The following NME5 variants were observed in gnomAD, a reference collection of about 807,000 sequenced individuals.
NME5 encodes NME/NM23 family member 5.
In NME5, 18 loss-of-function variants were observed where a neutral mutation model predicts 21.6. The observed-to-expected ratio is 0.83, with a 90% CI of 0.58 to 1.24. NME5 has a LOEUF of 1.24. Ranked by LOEUF, NME5 falls within the 50% of genes most tolerant of loss-of-function variation. The pLI, the probability that NME5 is intolerant of heterozygous loss-of-function variation, is 0.00. For missense variants in NME5, 223 were observed against 255.4 expected (o/e 0.87, Z 0.86); for synonymous variants, 70 against 80.6 (o/e 0.87, Z 0.71).
At chr5:138,132,606 C>T (rs562701625) in intron 2 of NME5, among the ~76,000 whole-genome samples, 87 of 152,270 alleles carry the variant, frequency 5.7e-4, no homozygotes, top group South Asian at 1.4e-3. Flanking sequence ...AAGTAACTCA[C>T]CTCTTAAAGC....
At chr5:138,127,993 T>G (rs1751461289) in intron 4 of NME5, among the ~76,000 whole-genome samples, 1 of 152,168 alleles carries the variant, frequency 6.6e-6, no homozygotes. Context: ...GCAGGCAGAT[T>G]ACTTGAGCAC....
Position 138,129,479 on chromosome 5 carries a change from C to T in NME5, c.130-11G>A. On this transcript the variant is annotated splice_polypyrimidine_tract_variant and intron_variant, in intron 2 of 5. Coordinates refer to ENST00000265191, the MANE Select transcript of NME5 (RefSeq NM_003551.3). The stretch of plus-strand genomic sequence containing the variant: ...GCGTAGTTTTCTTCTCTATAAAAGA[C>T]ACAAAGTCAACAAAAGCATTTAAAA... The T allele has an allele frequency of 2.5e-6, 4 of 1,602,284 alleles. No homozygotes were observed. Among genetic ancestry groups the T allele is most frequent in the Non-Finnish European group, 2.6e-6 (3 of 1,170,020 alleles).
chr5:138,137,866 G>C (rs1375129774), intron 2 of NME5, among the ~76,000 whole-genome samples: 1 of 151,716 alleles, frequency 6.6e-6, no homozygotes, highest in African/African-American at 2.4e-5. Flanking sequence ...GGACATGGTG[G>C]TGCATGCCTG....
chr5:138,131,741 T>C (rs1389713539), intron 2 of NME5, among the ~76,000 whole-genome samples: 3 of 151,940 alleles, frequency 2.0e-5, no homozygotes, highest in Non-Finnish European at 4.4e-5. Context: ...AGTGCTTTTT[T>C]TTTTTTTTAT....
chr5:138,125,775 T>C (rs1183674850), intron 4 of NME5, among the ~76,000 whole-genome samples: 1 of 152,112 alleles, frequency 6.6e-6, no homozygotes, highest in Admixed American at 6.6e-5. Context: ...CCACCACGCC[T>C]GGCTAATTTT....
chr5:138,134,510 C>T (rs942547868), intron 2 of NME5, among the ~76,000 whole-genome samples: 1 of 152,086 alleles, frequency 6.6e-6, no homozygotes, highest in African/African-American at 2.4e-5. Flanking sequence ...TCTGAAAGTG[C>T]TGGGATTACA....
At chr5:138,127,990 G>A (rs2151164263) in intron 4 of NME5, among the ~76,000 whole-genome samples, 1 of 152,318 alleles carries the variant, frequency 6.6e-6, no homozygotes, top group Admixed American at 6.5e-5. Context: ...AAGGCAGGCA[G>A]ATTACTTGAG....
chr5:138,126,207 C>T (rs933390495), intron 4 of NME5, among the ~76,000 whole-genome samples: 2 of 152,092 alleles, frequency 1.3e-5, no homozygotes, highest in Non-Finnish European at 2.9e-5. Flanking sequence ...TCAAAGGCAA[C>T]TGAAAATAAC....
At position 138,139,413 on chromosome 5, in the gene NME5, C is replaced by T. The variant is rs781353430; in HGVS notation, c.-48G>A. On this transcript the variant is annotated 5_prime_UTR_variant, in exon 1 of 6. Coordinates refer to ENST00000265191, the MANE Select transcript of NME5 (RefSeq NM_003551.3). Reference sequence around the variant, plus strand: ...TATGGTACAACTTGTTGCTAGGAGACCTGAAGCCCCAGCGTGGGGACGGTG... The same window carrying T: ...TATGGTACAACTTGTTGCTAGGAGATCTGAAGCCCCAGCGTGGGGACGGTG... 4.1e-6 allele frequency: 4 copies of T among 985,494 alleles called. No individual in the cohort carries two copies. The highest frequency in any genetic ancestry group is 4.8e-6 in the Non-Finnish European group (4 of 830,018). The allele number at this position is 985,494 out of a possible 1,614,324, so 61.0% of individuals were successfully genotyped here.
At chr5:138,138,013 GA>G (rs905380386) in intron 2 of NME5, among the ~76,000 whole-genome samples, 4 of 149,110 alleles carry the variant, frequency 2.7e-5, no homozygotes, top group South Asian at 2.1e-4. Context: ...TCAAAAAAAA[GA>G]AAAAAAAACT....
intron 2 of NME5, among the ~76,000 whole-genome samples, chr5:138,132,414 G>C (rs565218084): frequency 9.9e-5 from 15 of 152,144 alleles, no homozygotes; most frequent in African/African-American, 3.4e-4. Context: ...GGTGAGGAGA[G>C]AAAATGCTCA....
chr5:138,129,476 A>G lies in NME5; in HGVS notation c.130-8T>C. On this transcript the variant is annotated splice_polypyrimidine_tract_variant and splice_region_variant and intron_variant, in intron 2 of 5. Coordinates refer to ENST00000265191, the MANE Select transcript of NME5 (RefSeq NM_003551.3). ...GAGGCGTAGTTTTCTTCTCTATAAA[A>G]GACACAAAGTCAACAAAAGCATTTA... 1 of 1,606,810 alleles carries G rather than the reference A, an allele frequency of 6.2e-7. No homozygotes were observed. Among genetic ancestry groups the G allele is most frequent in the Non-Finnish European group, 8.5e-7 (1 of 1,173,754 alleles).
intron 5 of NME5, among the ~76,000 whole-genome samples, chr5:138,118,484 G>GA (rs1298680432): frequency 4.3e-4 from 62 of 143,602 alleles, no homozygotes; most frequent in Non-Finnish European, 6.1e-4. Context: ...ACAATTTATA[G>GA]AAAAAAAAAT....
chr5:138,127,172 T>G (rs903286545), intron 4 of NME5, among the ~76,000 whole-genome samples: 2 of 152,106 alleles, frequency 1.3e-5, no homozygotes, highest in African/African-American at 4.8e-5. Context: ...CTTTTCAGAC[T>G]GTACAGAAAG....
At chr5:138,118,354 T>C (rs1447117720) in intron 5 of NME5, among the ~76,000 whole-genome samples, 4 of 152,014 alleles carry the variant, frequency 2.6e-5, no homozygotes, top group Admixed American at 6.6e-5. Flanking sequence ...CTTGATCTCC[T>C]GACCTAGTGA....
intron 4 of NME5, among the ~76,000 whole-genome samples, chr5:138,121,827 CT>C (rs1751291647): frequency 6.6e-6 from 1 of 151,988 alleles, no homozygotes; most frequent in South Asian, 2.1e-4. Context: ...TATGCATGGA[CT>C]TTTAAAAGGA....
At chr5:138,132,806 C>T (rs1222676850) in intron 2 of NME5, among the ~76,000 whole-genome samples, 1 of 152,134 alleles carries the variant, frequency 6.6e-6, no homozygotes, top group African/African-American at 2.4e-5. Flanking sequence ...AAGGTGCTGA[C>T]ATTTGTTCTC....
intron 4 of NME5, among the ~76,000 whole-genome samples, chr5:138,121,478 T>G (rs755781682): frequency 6.6e-6 from 1 of 152,132 alleles, no homozygotes; most frequent in African/African-American, 2.4e-5. Flanking sequence ...TGTACACAGC[T>G]GAAAGCACCA....
intron 2 of NME5, among the ~76,000 whole-genome samples, chr5:138,137,947 G>A (rs1751741579): frequency 1.3e-5 from 2 of 152,070 alleles, no homozygotes; most frequent in Admixed American, 1.3e-4. Context: ...AGAGGTTGCA[G>A]TGAGCCGAGA....
Sources: allele counts gnomAD v4.1 joint callset (sites outside exome capture counted in the v4.1 genomes callset), GRCh38; gene constraint gnomAD v4.1.1; transcripts MANE v1.5; gene names NCBI Gene and HGNC (gene_info 2026-07-23, HGNC 2026-07-21).